PRAG1: variants seen among roughly 807,000 people sequenced by gnomAD.
PRAG1 encodes inactive tyrosine-protein kinase PRAG1.
In PRAG1, 110 loss-of-function variants were observed where a neutral mutation model predicts 95.6. That is an observed-to-expected ratio of 1.15 (90% CI 0.99 to 1.35). The LOEUF is 1.35. Ranked by LOEUF, PRAG1 falls within the 40% of genes most tolerant of loss-of-function variation. PRAG1 has a pLI of 0.00. For missense variants in PRAG1, 2,554 were observed against 1,864.7 expected (o/e 1.37, Z -6.81); for synonymous variants, 1,052 against 819.4 (o/e 1.28, Z -4.85).
At chr8:8,369,014 G>T (rs897624680) in intron 3 of PRAG1, among the ~76,000 whole-genome samples, 3 of 150,456 alleles carry the variant, frequency 2.0e-5, no homozygotes, top group Non-Finnish European at 3.0e-5. Flanking sequence ...AGGATGCATT[G>T]TGCCCACATG....
chr8:8,372,965 G>C (rs564567367), intron 3 of PRAG1, among the ~76,000 whole-genome samples: 1 of 152,202 alleles, frequency 6.6e-6, no homozygotes, highest in Non-Finnish European at 1.5e-5. Flanking sequence ...CCTTTTTCTA[G>C]AGGTGTGAGC....
chr8:8,331,077 G>A (rs1798804826), intron 4 of PRAG1, among the ~76,000 whole-genome samples: 1 of 152,140 alleles, frequency 6.6e-6, no homozygotes, highest in Non-Finnish European at 1.5e-5. Context: ...GCTGAGGCTG[G>A]GAGATGGGAG....
chr8:8,379,567 TCTC>T (rs1563258968), intron 2 of PRAG1, among the ~76,000 whole-genome samples: 1 of 152,132 alleles, frequency 6.6e-6, no homozygotes, highest in Non-Finnish European at 1.5e-5. Context: ...AGGAAATGCC[TCTC>T]CTCAATGAAG....
intron 3 of PRAG1, among the ~76,000 whole-genome samples, chr8:8,367,551 C>T (rs1800050754): frequency 6.7e-6 from 1 of 149,136 alleles, no homozygotes; most frequent in East Asian, 2.0e-4. Flanking sequence ...TTGGACTCTC[C>T]CTCCTTTTCT....
intron 3 of PRAG1, among the ~76,000 whole-genome samples, chr8:8,363,742 G>T (rs930271966): frequency 2.0e-5 from 3 of 152,126 alleles, no homozygotes; most frequent in Non-Finnish European, 4.4e-5. Flanking sequence ...TTATGTGTAT[G>T]TCTATTTTTT....
intron 4 of PRAG1, among the ~76,000 whole-genome samples, chr8:8,335,125 G>T (rs2117134264): frequency 6.6e-6 from 1 of 152,178 alleles, no homozygotes; most frequent in South Asian, 2.1e-4. Flanking sequence ...ATTTTTAGAG[G>T]ATACTTTGGT....
chr8:8,381,501 T>C lies in PRAG1; in HGVS notation c.247A>G (p.Thr83Ala). 1 of 1,614,198 alleles carries C rather than the reference T, an allele frequency of 6.2e-7. No homozygotes were observed. The highest frequency in any genetic ancestry group is 1.7e-5 in the Admixed American group (1 of 60,030). ...ATCATGGTGGGCTTCACGGCAATTG[T>C]GGGCTTGGAGTAAGGTGAGCTGTTC... ...GVNSSPYSKPTIAVKPTMMSS... is the reference protein window; with the variant it reads ...GVNSSPYSKPAIAVKPTMMSS... Residue 83 changes from threonine to alanine, a missense_variant, in exon 2 of 6, where the codon ACA becomes GCA. Transcript: ENST00000615670.
At chr8:8,378,326 C>A (rs533776240) in intron 2 of PRAG1, among the ~76,000 whole-genome samples, 2 of 152,224 alleles carry the variant, frequency 1.3e-5, no homozygotes, top group East Asian at 1.9e-4. Context: ...TACCCATGGA[C>A]TGTAATGCTT....
chr8:8,386,394 G>A lies in PRAG1; in HGVS notation c.-161C>T, dbSNP rs574911500. On this transcript the variant is annotated 5_prime_UTR_variant, in exon 1 of 6. Transcript: ENST00000615670. ...CCGCCCGGCCGGAGCATTGTTCGCA[G>A]AAGGTCTGCGCGCGGTGCGTGCCCG... 21 of 152,244 alleles carry A rather than the reference G, an allele frequency of 1.4e-4. No homozygotes were observed. Among genetic ancestry groups the A allele is most frequent in the African/African-American group, 5.1e-4 (21 of 41,530 alleles). 9.4% of individuals were successfully genotyped at this position (152,244 alleles called of 1,614,324 possible).
intron 1 of PRAG1, among the ~76,000 whole-genome samples, chr8:8,382,816 G>A (rs1800726927): frequency 6.6e-6 from 1 of 152,102 alleles, no homozygotes; most frequent in African/African-American, 2.4e-5. Context: ...TTACAGGTGG[G>A]GAAACTATGG....
rs1585237437 is a variant in PRAG1 at position 8,341,753 on chromosome 8, A to G, written c.2163-2118T>C. Among the ~76,000 whole-genome samples the G allele has an allele frequency of 3.3e-5, 5 of 152,348 alleles. No individual in the cohort carries two copies. In the South Asian group the frequency reaches 6.2e-4, roughly 19 times the overall value. ...TACTCATATTTAGTTTAAGATTTTT[A>G]CATTTACATTCAAATAGAGGCTAGC... On this transcript the variant is annotated intron_variant, in intron 3 of 5. Coordinates refer to ENST00000615670, the MANE Select transcript of PRAG1 (RefSeq NM_001080826.3).
intron 5 of PRAG1, among the ~76,000 whole-genome samples, chr8:8,321,937 C>T (rs1798483078): frequency 6.6e-6 from 1 of 152,124 alleles, no homozygotes; most frequent in Non-Finnish European, 1.5e-5. Flanking sequence ...TTCATTAACC[C>T]ACCAGTATTC....
intron 3 of PRAG1, among the ~76,000 whole-genome samples, chr8:8,360,611 T>C (rs1309216137): frequency 6.6e-6 from 1 of 152,250 alleles, no homozygotes; most frequent in Non-Finnish European, 1.5e-5. Context: ...CTCTAATTTT[T>C]GTAACTTCTT....
At chr8:8,380,417 G>A (rs1398812699) in intron 2 of PRAG1, among the ~76,000 whole-genome samples, 8 of 151,956 alleles carry the variant, frequency 5.3e-5, no homozygotes, top group Non-Finnish European at 1.2e-4. Flanking sequence ...TAGCCAACAT[G>A]GTGAAACCTC....
intron 2 of PRAG1, among the ~76,000 whole-genome samples, chr8:8,380,989 G>C (rs950247265): frequency 6.6e-6 from 1 of 152,074 alleles, no homozygotes; most frequent in Non-Finnish European, 1.5e-5. Context: ...ATAGGGAAGG[G>C]GGTCAGTGTG....
At chr8:8,369,033 C>T (rs1800106148) in intron 3 of PRAG1, among the ~76,000 whole-genome samples, 1 of 151,920 alleles carries the variant, frequency 6.6e-6, no homozygotes, top group Admixed American at 6.6e-5. Context: ...TGGTGTTTGC[C>T]CACCTTGAAT....
chr8:8,335,357 A>G (rs1798953051), intron 4 of PRAG1, among the ~76,000 whole-genome samples: 1 of 152,200 alleles, frequency 6.6e-6, no homozygotes, highest in South Asian at 2.1e-4. Flanking sequence ...AGGCAGTCCT[A>G]GGGGTTCTCA....
At chr8:8,366,120 T>A (rs192110800) in intron 3 of PRAG1, among the ~76,000 whole-genome samples, 1 of 152,136 alleles carries the variant, frequency 6.6e-6, no homozygotes, top group Non-Finnish European at 1.5e-5. Flanking sequence ...TAATAGTAAC[T>A]GTTATTTACT....
At chr8:8,338,693 G>C (rs977695080) in intron 4 of PRAG1, among the ~76,000 whole-genome samples, 2 of 152,178 alleles carry the variant, frequency 1.3e-5, no homozygotes, top group African/African-American at 2.4e-5. Context: ...GAATAATGTT[G>C]CTGACAGTAA....
Sources: gnomAD v4.1 joint callset for allele counts (sites outside exome capture counted in the v4.1 genomes callset) on GRCh38, gnomAD v4.1.1 for gene constraint, MANE v1.5 for transcripts, NCBI Gene and HGNC (gene_info 2026-07-23, HGNC 2026-07-21) for gene names.